Variants in MAN1A2 observed in about 807,000 individuals in gnomAD.
The protein encoded by MAN1A2 is mannosyl-oligosaccharide 1,2-alpha-mannosidase IB.
A neutral mutation model predicts 75.7 loss-of-function variants in MAN1A2; 26 were observed. That is an observed-to-expected ratio of 0.34 (90% confidence interval 0.25 to 0.48). The LOEUF is 0.48. Ranked by LOEUF, MAN1A2 falls within the 20% of genes least tolerant of loss-of-function variation. MAN1A2 has a pLI of 0.99. For missense variants in MAN1A2, 562 were observed against 775.5 expected (o/e 0.72, Z 3.27); for synonymous variants, 247 against 264.6 (o/e 0.93, Z 0.65).
chr1:117,477,629 A>G (rs71329579), intron 8 of MAN1A2, among the ~76,000 whole-genome samples: 12,716 of 152,090 alleles, frequency 0.084, 588 homozygotes, highest in Middle Eastern at 0.16. Context: ...ATAATGATGG[A>G]ATGTATCTCA....
chr1:117,522,233 T>C (rs1251691088), intron 12 of MAN1A2, among the ~76,000 whole-genome samples: 1 of 151,844 alleles, frequency 6.6e-6, no homozygotes, highest in Non-Finnish European at 1.5e-5. Context: ...CTCCTGAACA[T>C]AGATAGAACT....
At chr1:117,454,357 G>A (rs970308697) in intron 6 of MAN1A2, among the ~76,000 whole-genome samples, 2 of 152,062 alleles carry the variant, frequency 1.3e-5, no homozygotes, top group African/African-American at 2.4e-5. Context: ...TCTGTGACTA[G>A]AAAAAGAAAA....
intron 4 of MAN1A2, among the ~76,000 whole-genome samples, chr1:117,417,886 C>G (rs1471603527): frequency 4.0e-5 from 6 of 151,550 alleles, no homozygotes; most frequent in Non-Finnish European, 8.8e-5. Flanking sequence ...TTGAGCCCAG[C>G]TTGGGCAACA....
chr1:117,462,633 A>G (rs1649856588), intron 7 of MAN1A2, among the ~76,000 whole-genome samples: 1 of 152,176 alleles, frequency 6.6e-6, no homozygotes, highest in Non-Finnish European at 1.5e-5. Flanking sequence ...TGACACGAGT[A>G]AAGCTTCTAG....
intron 1 of MAN1A2, among the ~76,000 whole-genome samples, chr1:117,391,279 GTGT>G (rs1421467245): frequency 6.6e-6 from 1 of 152,126 alleles, no homozygotes; most frequent in East Asian, 1.9e-4. Flanking sequence ...TTTTGTTATA[GTGT>G]TCTGTAAATG....
intron 1 of MAN1A2, among the ~76,000 whole-genome samples, chr1:117,369,218 G>C (rs1369056474): frequency 6.6e-6 from 1 of 152,136 alleles, no homozygotes; most frequent in Non-Finnish European, 1.5e-5. Context: ...ATTGGAATTT[G>C]GTTGATTAAG....
chr1:117,411,908 G>A (rs11806239), intron 3 of MAN1A2, among the ~76,000 whole-genome samples: 39,082 of 151,474 alleles, frequency 0.26, 5,705 homozygotes, highest in East Asian at 0.48. Flanking sequence ...GCAGTTTGTT[G>A]GTTTCTTATA....
At chr1:117,381,203 T>C (rs1653322874) in intron 1 of MAN1A2, among the ~76,000 whole-genome samples, 2 of 152,196 alleles carry the variant, frequency 1.3e-5, no homozygotes, top group Admixed American at 1.3e-4. Context: ...TTTTTTATTA[T>C]ACTTTAAGTT....
Position 117,368,498 on chromosome 1 carries a change from C to A in MAN1A2, c.302+13C>A. 1 of 1,585,784 alleles carries A rather than the reference C, an allele frequency of 6.3e-7. No individual in the cohort carries two copies. Among genetic ancestry groups the A allele is most frequent in the South Asian group, 1.2e-5 (1 of 86,170 alleles). On this transcript the variant is annotated intron_variant, in intron 1 of 12. Coordinates refer to ENST00000356554, the MANE Select transcript of MAN1A2 (RefSeq NM_006699.5). ...AACATAGACACAGGTTTGTTTATTT[C>A]AGAAGTTCTGGTACTAACATTTGGC...
At chr1:117,450,270 C>T (rs1465092324) in intron 6 of MAN1A2, among the ~76,000 whole-genome samples, 1 of 152,176 alleles carries the variant, frequency 6.6e-6, no homozygotes, top group East Asian at 1.9e-4. Context: ...TGCTCCTGCC[C>T]TAGAGATGTG....
At chr1:117,407,704 T>TAA (rs1250045331) in intron 3 of MAN1A2, among the ~76,000 whole-genome samples, 1 of 152,192 alleles carries the variant, frequency 6.6e-6, no homozygotes, top group Non-Finnish European at 1.5e-5. Flanking sequence ...CAAAATGGCT[T>TAA]AAACTAAAAA....
intron 3 of MAN1A2, among the ~76,000 whole-genome samples, chr1:117,407,461 A>G (rs1647654625): frequency 6.6e-6 from 1 of 152,172 alleles, no homozygotes; most frequent in Non-Finnish European, 1.5e-5. Context: ...CTCATTTGAC[A>G]TCTCAAATTT....
intron 1 of MAN1A2, among the ~76,000 whole-genome samples, chr1:117,387,371 T>TGTAGTGGCTGTGTAGCCAGTA (rs1553230092): frequency 1.3e-5 from 2 of 152,122 alleles, no homozygotes; most frequent in Non-Finnish European, 2.9e-5. Context: ...AGCCAGTAGT[T>TGTAGTGGCTGTGTAGCCAGTA]GTGATTCTAA....
chr1:117,427,660 A>C (rs566136562), intron 5 of MAN1A2, among the ~76,000 whole-genome samples: 5 of 152,222 alleles, frequency 3.3e-5, no homozygotes, highest in African/African-American at 1.2e-4. Context: ...AATACCAACC[A>C]AATGTAGGCA....
At position 117,499,506 on chromosome 1, in the gene MAN1A2, A is replaced by G. The variant is rs1651135286; in HGVS notation, c.1629A>G (p.Arg543=). Residue 543 remains arginine (R), a synonymous_variant, in exon 11 of 13, where the codon CGA becomes CGG. Coordinates refer to ENST00000356554, the MANE Select transcript of MAN1A2 (RefSeq NM_006699.5). The part of the protein sequence containing the change: ...EVIETYWYLW[R]FTHDPRYRQW... Reference sequence around the variant, plus strand: ...TTGAAACCTATTGGTACCTATGGCGATTCACTCACGATCCAAGATACAGGC... The same window carrying G: ...TTGAAACCTATTGGTACCTATGGCGGTTCACTCACGATCCAAGATACAGGC... 5 of 1,607,964 alleles carry G rather than the reference A, an allele frequency of 3.1e-6. No individual in the cohort carries two copies. The highest frequency in any genetic ancestry group is 4.2e-6 in the Non-Finnish European group (5 of 1,176,968).
At position 117,388,729 on chromosome 1, in the gene MAN1A2, G is replaced by T. The variant is rs982469563; in HGVS notation, c.303-13457G>T. Among the ~76,000 whole-genome samples the T allele has an allele frequency of 8.5e-5, 13 of 152,124 alleles. No individual in the cohort carries two copies. The East Asian group carries it at 1.7e-3, about 20-fold the overall frequency. On this transcript the variant is annotated intron_variant, in intron 1 of 12. Transcript: ENST00000356554. ...ATTACAATTCAACATGAGATTTAGTGGGGTCATATATTAAACTGTATCAGA... is the reference window on the plus strand; with the variant it reads ...ATTACAATTCAACATGAGATTTAGTTGGGTCATATATTAAACTGTATCAGA...
intron 4 of MAN1A2, among the ~76,000 whole-genome samples, chr1:117,417,243 G>GTT (rs1395287190): frequency 6.6e-6 from 1 of 151,766 alleles, no homozygotes; most frequent in Non-Finnish European, 1.5e-5. Flanking sequence ...ATGTCATTAT[G>GTT]TTTTAGCTGC....
At chr1:117,476,223 G>A (rs1301518893) in intron 8 of MAN1A2, among the ~76,000 whole-genome samples, 1 of 150,986 alleles carries the variant, frequency 6.6e-6, no homozygotes, top group Non-Finnish European at 1.5e-5. Flanking sequence ...TTTTTTTCTT[G>A]TAAATTTAAG....
intron 12 of MAN1A2, chr1:117,514,882 G>A (rs763610792): frequency 7.5e-6 from 4 of 533,042 alleles, no homozygotes; most frequent in South Asian, 4.2e-5. Flanking sequence ...TGTTTTTCCA[G>A]CTGGATGAAA....
Sources: gnomAD v4.1 joint callset for allele counts (sites outside exome capture counted in the v4.1 genomes callset) on GRCh38, gnomAD v4.1.1 for gene constraint, MANE v1.5 for transcripts, NCBI Gene and HGNC (gene_info 2026-07-23, HGNC 2026-07-21) for gene names.